The following FLVCR2 variants were observed in gnomAD, a reference collection of about 807,000 sequenced individuals.
FLVCR2 encodes FLVCR choline and putative heme transporter 2.
Under a neutral mutation model 48.9 loss-of-function variants are expected in FLVCR2, and 38 were observed. The observed-to-expected ratio is 0.78, with a 90% CI of 0.60 to 1.02. FLVCR2 has a LOEUF of 1.02. FLVCR2 is among the 50% of genes least tolerant of loss of function. The pLI, the probability that FLVCR2 is intolerant of heterozygous loss-of-function variation, is 0.00. For synonymous variants in FLVCR2, 255 were observed against 257.0 expected, an observed-to-expected ratio of 0.99 and a Z score of 0.07; for missense variants, 664 against 663.3, an observed-to-expected ratio of 1.00 and a Z score of -0.01.
rs1180510020 is a variant in FLVCR2, at chr14:75,639,364, G to T, written c.1137G>T (p.Leu379=). Residue 379 remains leucine, a synonymous_variant, in exon 6 of 10, where the codon CTG becomes CTT. Coordinates refer to ENST00000238667, the MANE Select transcript of FLVCR2 (RefSeq NM_017791.3). ...CCTCTACTTGTAGAGAGACAACCCTGGTAGTCTATATCATGACACTGGTGG... is the reference window on the plus strand; with the variant it reads ...CCTCTACTTGTAGAGAGACAACCCTTGTAGTCTATATCATGACACTGGTGG... The part of the protein sequence containing the change: ...DRSKTYKETT[L]VVYIMTLVGM... The T allele has an allele frequency of 6.2e-7, 1 of 1,612,028 alleles. No individual in the cohort carries two copies. Among genetic ancestry groups the T allele is most frequent in the Non-Finnish European group, 8.5e-7 (1 of 1,178,064 alleles).
At chr14:75,619,248 A>G (rs1391891561) in intron 1 of FLVCR2, among the ~76,000 whole-genome samples, 1 of 152,134 alleles carries the variant, frequency 6.6e-6, no homozygotes, top group African/African-American at 2.4e-5. Context: ...TAATTAATTA[A>G]AAATAAATAA....
chr14:75,638,257 G>A (rs1046014441), intron 5 of FLVCR2, among the ~76,000 whole-genome samples: 7 of 152,022 alleles, frequency 4.6e-5, no homozygotes, highest in Middle Eastern at 3.4e-3. Flanking sequence ...CCAACATGGC[G>A]AAACCCCATC....
At position 75,614,933 on chromosome 14, in the gene FLVCR2, C is replaced by G. The variant is rs111849435; in HGVS notation, c.670-7146C>G. ...TACCATGAGAATACCATGGGAGAAACTGCCCCCATGATCCAGTCACCTCCC... is the reference window on the plus strand; with the variant it reads ...TACCATGAGAATACCATGGGAGAAAGTGCCCCCATGATCCAGTCACCTCCC... On this transcript the variant is annotated intron_variant, in intron 1 of 9. Transcript: ENST00000238667. 5.4e-3 allele frequency among the ~76,000 whole-genome samples: 822 copies of G among 152,338 alleles called. 11 individuals carry two copies. The highest frequency in any genetic ancestry group is 0.019 in the African/African-American group (785 of 41,578).
intron 1 of FLVCR2, among the ~76,000 whole-genome samples, chr14:75,583,872 A>G (rs1452207050): frequency 1.3e-5 from 2 of 152,174 alleles, no homozygotes; most frequent in East Asian, 3.9e-4. Context: ...CCTCCACTGT[A>G]AGAGTTACCT....
chr14:75,578,721 G>T lies in FLVCR2; in HGVS notation c.-252G>T. 1 of 580,306 alleles carries T rather than the reference G, an allele frequency of 1.7e-6. No homozygotes were observed. Among genetic ancestry groups the T allele is most frequent in the East Asian group, 2.9e-5 (1 of 33,986 alleles). 35.9% of individuals were successfully genotyped at this position (580,306 alleles called of 1,614,324 possible). ...AGGCAGGAGCGGTCCGGAGCCGGCT[G>T]CGGCGTGTGCGGCCGGCCTTGGGAC... On this transcript the variant is annotated 5_prime_UTR_variant, in exon 1 of 10. Coordinates refer to ENST00000238667, the MANE Select transcript of FLVCR2 (RefSeq NM_017791.3).
At position 75,581,178 on chromosome 14, in the gene FLVCR2, A is replaced by G. The variant is rs1029222432; in HGVS notation, c.669+1537A>G. Among the ~76,000 whole-genome samples the G allele has an allele frequency of 6.6e-5, 10 of 152,284 alleles. No homozygotes were observed. In the East Asian group the frequency reaches 1.9e-3, roughly 29 times the overall value. Reference sequence around the variant, plus strand: ...TATAGAATGATTGGTGATGGCCTGGATGCGGTTTTGTATGAATTGAGAAAC... The same window carrying G: ...TATAGAATGATTGGTGATGGCCTGGGTGCGGTTTTGTATGAATTGAGAAAC... On this transcript the variant is annotated intron_variant, in intron 1 of 9. Transcript: ENST00000238667.
chr14:75,632,835 T>C (rs1566795290), intron 3 of FLVCR2: 1 of 702,374 alleles, frequency 1.4e-6, no homozygotes, highest in Non-Finnish European at 2.6e-6. Flanking sequence ...ATGGTGACGA[T>C]AATACTACCT....
At chr14:75,633,200 G>A (rs1474710600) in intron 3 of FLVCR2, among the ~76,000 whole-genome samples, 1 of 152,194 alleles carries the variant, frequency 6.6e-6, no homozygotes, top group Non-Finnish European at 1.5e-5. Context: ...CCTGCAGAGG[G>A]ATGGTGTCAG....
intron 1 of FLVCR2, among the ~76,000 whole-genome samples, chr14:75,588,590 TGCC>T (rs1888806309): frequency 6.6e-6 from 1 of 152,224 alleles, no homozygotes; most frequent in Non-Finnish European, 1.5e-5. Context: ...CAAGCAATTC[TGCC>T]TCAGCCTCCA....
intron 1 of FLVCR2, among the ~76,000 whole-genome samples, chr14:75,591,060 C>G (rs1209639934): frequency 6.6e-6 from 1 of 152,156 alleles, no homozygotes; most frequent in Non-Finnish European, 1.5e-5. Context: ...AATTACCATT[C>G]AAACATAGGG....
intron 1 of FLVCR2, chr14:75,605,549 C>G (rs1215407919): frequency 6.5e-7 from 1 of 1,536,040 alleles, no homozygotes; most frequent in Non-Finnish European, 8.7e-7. Context: ...CAACACAATT[C>G]AAGACGCAGC....
At chr14:75,581,231 GAGA>G (rs372361821) in intron 1 of FLVCR2, among the ~76,000 whole-genome samples, 1 of 152,172 alleles carries the variant, frequency 6.6e-6, no homozygotes, top group Non-Finnish European at 1.5e-5. Context: ...GTCTGAAAAA[GAGA>G]AGGAGAAAAA....
intron 1 of FLVCR2, among the ~76,000 whole-genome samples, chr14:75,598,696 G>C (rs1236241013): frequency 6.6e-6 from 1 of 152,182 alleles, no homozygotes; most frequent in African/African-American, 2.4e-5. Context: ...GGCTGGTCTT[G>C]AACTCCTGGC....
At chr14:75,590,271 T>C (rs1379074602) in intron 1 of FLVCR2, among the ~76,000 whole-genome samples, 1 of 152,210 alleles carries the variant, frequency 6.6e-6, no homozygotes, top group Non-Finnish European at 1.5e-5. Flanking sequence ...AAGCCGTTCA[T>C]GGGGGATCTG....
At chr14:75,641,483 G>A (rs1369638331) in intron 8 of FLVCR2, among the ~76,000 whole-genome samples, 190 bp downstream of exon 8, 3 of 152,162 alleles carry the variant, frequency 2.0e-5, no homozygotes, top group Non-Finnish European at 2.9e-5. Context: ...GACTCATGTT[G>A]GAATCCCAGA....
At chr14:75,591,791 T>C (rs1445257900) in intron 1 of FLVCR2, among the ~76,000 whole-genome samples, 3 of 151,180 alleles carry the variant, frequency 2.0e-5, no homozygotes, top group African/African-American at 7.3e-5. Context: ...CCAGGCTCTC[T>C]TTTTCTCTTC....
intron 9 of FLVCR2, among the ~76,000 whole-genome samples, chr14:75,643,963 G>A (rs759541583): frequency 6.6e-6 from 1 of 151,876 alleles, no homozygotes; most frequent in South Asian, 2.1e-4. Flanking sequence ...CCAGCTACTC[G>A]GGAGGTGGAG....
chr14:75,638,950 A>G (rs1890235254), intron 5 of FLVCR2, among the ~76,000 whole-genome samples: 1 of 152,190 alleles, frequency 6.6e-6, no homozygotes, highest in Admixed American at 6.5e-5. Context: ...TTGGCTTTGT[A>G]AGGCCTGTAA....
intron 3 of FLVCR2, among the ~76,000 whole-genome samples, chr14:75,627,856 A>G (rs566340088): frequency 6.6e-6 from 1 of 152,346 alleles, no homozygotes; most frequent in East Asian, 1.9e-4. Flanking sequence ...CAAAAAGAAA[A>G]TGATTCTTAG....
Sources: gnomAD v4.1 joint callset for allele counts (sites outside exome capture counted in the v4.1 genomes callset) on GRCh38, gnomAD v4.1.1 for gene constraint, MANE v1.5 for transcripts, NCBI Gene and HGNC (gene_info 2026-07-23, HGNC 2026-07-21) for gene names.